MTAP: variants seen among roughly 807,000 people sequenced by gnomAD.
MTAP encodes the protein S-methyl-5'-thioadenosine phosphorylase.
Under a neutral mutation model 33.6 loss-of-function variants are expected in MTAP, and 33 were observed. The observed-to-expected ratio is 0.98, with a 90% CI of 0.74 to 1.31. The LOEUF is 1.31. MTAP is among the 40% of genes most tolerant of loss of function. MTAP has a pLI of 0.00. For synonymous variants in MTAP, 148 were observed against 125.7 expected, an observed-to-expected ratio of 1.18 and a Z score of -1.19; for missense variants, 367 against 360.0, an observed-to-expected ratio of 1.02 and a Z score of -0.16.
Position 21,922,251 on chromosome 9 carries a change from C to G in MTAP, c.148-8757C>G, listed in dbSNP as rs992111919. ...TTCAGTAAATACACTGTGCATGTGG[C>G]CGCTCACAAGTGCTGGCAGGCCACT... On this transcript the variant is annotated intron_variant, in intron 1 of 1. Coordinates refer to the MTAP transcript ENST00000577563. This position sits in a 1 kb window ranked among gnomAD's most constrained non-coding sequence, Gnocchi z 4.8. Among the ~76,000 whole-genome samples the G allele has an allele frequency of 6.6e-6, 1 of 151,732 alleles. No homozygotes were observed. Among genetic ancestry groups the G allele is most frequent in the Non-Finnish European group, 1.5e-5 (1 of 67,990 alleles).
intron 1 of MTAP, among the ~76,000 whole-genome samples, chr9:21,814,619 C>G (rs1824431684): frequency 6.6e-6 from 1 of 152,074 alleles, no homozygotes; most frequent in Non-Finnish European, 1.5e-5. Context: ...TAGATCAACT[C>G]TCAGAGGATA....
chr9:21,806,318 G>A (rs1478566344), intron 1 of MTAP, among the ~76,000 whole-genome samples: 1 of 152,084 alleles, frequency 6.6e-6, no homozygotes, highest in African/African-American at 2.4e-5. Context: ...AGTGCAGGAA[G>A]AAGAACAGGA....
intron 1 of MTAP, among the ~76,000 whole-genome samples, chr9:21,913,180 A>C (rs1410502087): frequency 6.6e-6 from 1 of 152,242 alleles, no homozygotes; most frequent in South Asian, 2.1e-4. Flanking sequence ...GGAAGAATCA[A>C]TATCGTGAAA....
At chr9:21,848,233 C>T (rs1825428289) in intron 5 of MTAP, among the ~76,000 whole-genome samples, 1 of 152,160 alleles carries the variant, frequency 6.6e-6, no homozygotes, top group Admixed American at 6.5e-5. Context: ...TATAACTGGA[C>T]TGAAGTTCCA....
chr9:21,805,907 A>G (rs1824195940), intron 1 of MTAP, among the ~76,000 whole-genome samples: 1 of 152,182 alleles, frequency 6.6e-6, no homozygotes, highest in African/African-American at 2.4e-5. Context: ...GATCCAAGTG[A>G]AGACCTGAGG....
chr9:21,940,901 C>G (rs772968469), downstream of MTAP: 4 of 565,302 alleles, frequency 7.1e-6, no homozygotes, highest in African/African-American at 8.2e-5. Context: ...TCTTTACTGC[C>G]TTTCTTCCCC....
At chr9:21,893,069 A>G (rs1319199589) in intron 1 of MTAP, 1 of 152,238 alleles carries the variant, frequency 6.6e-6, no homozygotes, top group East Asian at 1.9e-4. Flanking sequence ...AAATTCTTTG[A>G]AAATAATGAA....
At chr9:21,938,033 G>A (rs572227128), downstream of MTAP, among the ~76,000 whole-genome samples, 6 of 152,234 alleles carry the variant, frequency 3.9e-5, no homozygotes, top group Middle Eastern at 3.4e-3. Flanking sequence ...AGCACTTTGA[G>A]AGGCTAAGGT....
intron 1 of MTAP, among the ~76,000 whole-genome samples, chr9:21,926,115 C>A (rs999704900): frequency 6.6e-6 from 1 of 152,164 alleles, no homozygotes; most frequent in African/African-American, 2.4e-5. Context: ...ACTTCCCAGA[C>A]TTTTCCATTA....
At chr9:21,918,747 A>AG (rs1045734194) in intron 1 of MTAP, among the ~76,000 whole-genome samples, 1 of 152,112 alleles carries the variant, frequency 6.6e-6, no homozygotes, top group Non-Finnish European at 1.5e-5. Context: ...TATAAAGGGG[A>AG]GTTCCCCTGC....
downstream of MTAP, chr9:21,935,324 A>G (rs1563876276): frequency 6.6e-6 from 1 of 152,214 alleles, no homozygotes; most frequent in Non-Finnish European, 1.5e-5. Context: ...AAATTAGTAT[A>G]AACAGTTTAT....
intron 1 of MTAP, among the ~76,000 whole-genome samples, chr9:21,904,075 C>G (rs1818434647): frequency 6.6e-6 from 1 of 152,166 alleles, no homozygotes; most frequent in Non-Finnish European, 1.5e-5. Context: ...TTGGGTCAGG[C>G]CACTCGGCAG....
chr9:21,897,914 G>A (rs375820602), intron 1 of MTAP, among the ~76,000 whole-genome samples: 4 of 152,052 alleles, frequency 2.6e-5, no homozygotes, highest in South Asian at 2.1e-4. Flanking sequence ...AAAAGAGCCC[G>A]CATTGCCAAG....
chr9:21,914,826 T>G (rs1223517369), intron 1 of MTAP, among the ~76,000 whole-genome samples: 2 of 150,962 alleles, frequency 1.3e-5, no homozygotes, highest in Non-Finnish European at 2.9e-5. Context: ...GGGAATCATA[T>G]AGATAATATG....
chr9:21,815,551 T>C lies in MTAP; in HGVS notation c.120+32T>C, dbSNP rs377241979. Reference sequence around the variant, plus strand: ...ATCCAACTTGTGGAGACATGTTTTTTAGTTTTTTCATTTCTCCTTGCTGGC... The same window carrying C: ...ATCCAACTTGTGGAGACATGTTTTTCAGTTTTTTCATTTCTCCTTGCTGGC... On this transcript the variant is annotated intron_variant, in intron 2 of 7. Transcript: ENST00000644715. The C allele has an allele frequency of 5.4e-5, 76 of 1,412,538 alleles. No individual in the cohort carries two copies. The African/African-American group carries it at 1.1e-3, about 20-fold the overall frequency. The allele number at this position is 1,412,538 out of a possible 1,614,324, so 87.5% of individuals were successfully genotyped here. A position where few individuals can be genotyped will look rare whatever the true frequency, so the allele number is the denominator to read the frequency against.
chr9:21,927,669 A>G (rs139786540), intron 1 of MTAP, among the ~76,000 whole-genome samples: 1 of 152,184 alleles, frequency 6.6e-6, no homozygotes, highest in Non-Finnish European at 1.5e-5. Context: ...GGTATGCTAT[A>G]TGTCCCTTCA....
At chr9:21,821,423 A>G (rs1262785247) in intron 4 of MTAP, among the ~76,000 whole-genome samples, 4 of 152,204 alleles carry the variant, frequency 2.6e-5, no homozygotes, top group Admixed American at 2.6e-4. Flanking sequence ...ATGCTGGATT[A>G]TGTTTATTGA....
chr9:21,878,154 G>A (rs1053622867), intron 1 of MTAP, among the ~76,000 whole-genome samples: 1 of 152,092 alleles, frequency 6.6e-6, no homozygotes, highest in African/African-American at 2.4e-5. Context: ...GGTGTTTATA[G>A]AATCTTTGAG....
chr9:21,904,250 T>C (rs1818439173), intron 1 of MTAP, among the ~76,000 whole-genome samples: 1 of 152,174 alleles, frequency 6.6e-6, no homozygotes, highest in Non-Finnish European at 1.5e-5. Context: ...CAGCCGCCTG[T>C]GTATCTGCCT....
Sources: gnomAD v4.1 joint callset for allele counts (sites outside exome capture counted in the v4.1 genomes callset) on GRCh38, gnomAD v4.1.1 for gene constraint, Gnocchi (gnomAD v3.1) non-coding constraint, MANE v1.5 for transcripts, NCBI Gene and HGNC (gene_info 2026-07-23, HGNC 2026-07-21) for gene names.